Variants in SPDL1 observed in about 807,000 individuals in gnomAD.
SPDL1 encodes the protein spindle apparatus coiled-coil protein 1, also known as protein Spindly.
SPDL1 carries 85 observed loss-of-function variants against 79.5 expected under a neutral mutation model. The ratio of observed to expected loss-of-function variants is 1.07; its 90% CI spans 0.90 to 1.28. The LOEUF (loss-of-function observed/expected upper bound fraction) is 1.28. SPDL1 is among the 50% of genes most tolerant of loss of function. The probability of loss-of-function intolerance (pLI) is 0.00; values close to 1 mark genes in which losing one functional copy is unlikely to be tolerated. For missense variants in SPDL1, 703 were observed against 697.8 expected, an observed-to-expected ratio of 1.01 and a Z score of -0.08; for synonymous variants, 269 against 240.3, an observed-to-expected ratio of 1.12 and a Z score of -1.10.
In SPDL1 at chr5:169,591,227, T is replaced by A; in HGVS notation, c.336+3T>A. 6.2e-7 allele frequency: 1 copy of A among 1,611,444 alleles called. No individual in the cohort carries two copies. Among genetic ancestry groups the A allele is most frequent in the Non-Finnish European group, 8.5e-7 (1 of 1,178,798 alleles). On this transcript the variant is annotated splice_donor_region_variant and intron_variant, in intron 3 of 11. Transcript: ENST00000265295. ...AAGTGAATGAACTAAAAACTAAGGT[T>A]GGGATATCTGCGTATTTCAGCACAA...
At position 169,604,584 on chromosome 5, in the gene SPDL1, T is replaced by C. The variant is rs1756093587; in HGVS notation, c.*377T>C. On this transcript the variant is annotated 3_prime_UTR_variant, in exon 12 of 12. Coordinates refer to ENST00000265295, the MANE Select transcript of SPDL1 (RefSeq NM_017785.5). ...TATGTACTTTTTTTTATAAACTTAG[T>C]TTTAGACTATGTTGTAAAAATGGGA... 1 of 153,084 alleles carries C rather than the reference T, an allele frequency of 6.5e-6. No homozygotes were observed. Among genetic ancestry groups the C allele is most frequent in the African/African-American group, 2.4e-5 (1 of 41,484 alleles). The allele number at this position is 153,084 out of a possible 1,614,324, so 9.5% of individuals were successfully genotyped here.
chr5:169,588,317 A>G (rs1755084070), intron 1 of SPDL1, 77 bp from the exon 2 acceptor site: 3 of 985,172 alleles, frequency 3.0e-6, no homozygotes, highest in Non-Finnish European at 4.5e-6. Flanking sequence ...TTGAGTAGAT[A>G]TGTTTCTTCT....
rs1025504622 is a variant in SPDL1 at position 169,597,127 on chromosome 5, A to G, written c.1032+426A>G. Among the ~76,000 whole-genome samples the G allele has an allele frequency of 1.4e-3, 216 of 152,122 alleles. 2 individuals carry two copies. The highest frequency in any genetic ancestry group is 8.7e-4 in the Non-Finnish European group (59 of 67,976). ...TCTTACTTGAATATTTCCTTACTCTATGGCACAACAAGGGTTTCCTAGCTC... is the reference window on the plus strand; with the variant it reads ...TCTTACTTGAATATTTCCTTACTCTGTGGCACAACAAGGGTTTCCTAGCTC... On this transcript the variant is annotated intron_variant, in intron 8 of 11. Coordinates refer to ENST00000265295, the MANE Select transcript of SPDL1 (RefSeq NM_017785.5).
intron 1 of SPDL1, chr5:169,585,815 G>C (rs1013134852): frequency 1.3e-5 from 2 of 152,200 alleles, no homozygotes; most frequent in Non-Finnish European, 2.9e-5. Flanking sequence ...AATTGAAGCA[G>C]TTAAAAGGTT....
intron 1 of SPDL1, chr5:169,586,351 T>TA (rs1374808867): frequency 6.6e-6 from 1 of 152,406 alleles, no homozygotes; most frequent in African/African-American, 2.4e-5. Context: ...GGACAACACA[T>TA]ACTCCTGGTT....
chr5:169,588,792 ACT>A (rs905054533), intron 2 of SPDL1: 6 of 351,520 alleles, frequency 1.7e-5, no homozygotes, highest in African/African-American at 1.1e-4. Flanking sequence ...AGTTATCATT[ACT>A]CTCTTTGCCA....
At chr5:169,585,648 G>C (rs1246674585) in intron 1 of SPDL1, among the ~76,000 whole-genome samples, 1 of 152,212 alleles carries the variant, frequency 6.6e-6, no homozygotes, top group African/African-American at 2.4e-5. Flanking sequence ...TTAGTTGGCT[G>C]GCCGTATCAT....
At chr5:169,596,521 TCA>T in intron 7 of SPDL1, 38 bp from the exon 8 acceptor site, 1 of 1,552,032 alleles carries the variant, frequency 6.4e-7, no homozygotes, top group Admixed American at 1.8e-5. Flanking sequence ...AATCTTTCTC[TCA>T]CTTAATTTTA....
Position 169,604,753 on chromosome 5 carries a change from TAAAA to T in SPDL1, c.*547_*550del, listed in dbSNP as rs1345137257. The T allele has an allele frequency of 2.0e-5, 3 of 152,206 alleles. No individual in the cohort carries two copies. Among genetic ancestry groups the T allele is most frequent in the South Asian group, 4.1e-4 (2 of 4,838 alleles). 9.4% of individuals were successfully genotyped at this position (152,206 alleles called of 1,614,324 possible). Reference sequence around the variant, plus strand: ...TTTAAATTTTGTCTAAAATTTTAAATAAAACTGCAGTGATTTATCCTTAAATTTC... The same window carrying T: ...TTTAAATTTTGTCTAAAATTTTAAATCTGCAGTGATTTATCCTTAAATTTC... On this transcript the variant is annotated 3_prime_UTR_variant, in exon 12 of 12. Transcript: ENST00000265295.
intron 10 of SPDL1, among the ~76,000 whole-genome samples, chr5:169,599,920 G>T (rs569482185): frequency 1.3e-5 from 2 of 152,078 alleles, no homozygotes. Context: ...CCACCAAAAT[G>T]GGGGGGAAAG....
chr5:169,592,348 G>C lies in SPDL1; in HGVS notation c.337-1006G>C, dbSNP rs145504870. ...TTCTCCTGCCTCAGGCTCCTAAGTGGCTGGGATTACAGGTGTGCGCCACCA... is the reference window on the plus strand; with the variant it reads ...TTCTCCTGCCTCAGGCTCCTAAGTGCCTGGGATTACAGGTGTGCGCCACCA... On this transcript the variant is annotated intron_variant, in intron 3 of 11. Transcript: ENST00000265295. Among the ~76,000 whole-genome samples the C allele has an allele frequency of 4.9e-3, 734 of 151,126 alleles. 12 individuals are homozygous for C. Among genetic ancestry groups the C allele is most frequent in the African/African-American group, 0.017 (707 of 41,120 alleles).
intron 1 of SPDL1, chr5:169,586,271 T>C (rs1184500946): frequency 6.6e-6 from 1 of 152,298 alleles, no homozygotes; most frequent in Non-Finnish European, 1.5e-5. Flanking sequence ...CTCACCTTAA[T>C]TGCCTTAGCA....
At chr5:169,596,402 G>A (rs1018660419) in intron 7 of SPDL1, among the ~76,000 whole-genome samples, 159 bp from the exon 8 acceptor site, 4 of 152,080 alleles carry the variant, frequency 2.6e-5, no homozygotes, top group Non-Finnish European at 4.4e-5. Context: ...CAAATGTTAT[G>A]TCTACAAAAA....
At position 169,591,078 on chromosome 5, in the gene SPDL1, A is replaced by G. The variant is rs1478531789; in HGVS notation, c.190A>G (p.Arg64Gly). 1 of 1,613,670 alleles carries G rather than the reference A, an allele frequency of 6.2e-7. No homozygotes were observed. The highest frequency in any genetic ancestry group is 8.5e-7 in the Non-Finnish European group (1 of 1,179,898). ...SYEQEKYTLQREVELKSRMLE... is the reference protein window; with the variant it reads ...SYEQEKYTLQGEVELKSRMLE... ...TGAACAAGAAAAATATACCCTTCAA[A>G]GAGAAGTTGAACTCAAGAGTCGAAT... The change falls in exon 3 of 12, where the codon AGA becomes GGA. Residue 64 changes from arginine (R) to glycine (G), a missense_variant. Physicochemically the swap from Arg to Gly is moderately radical, Grantham distance 125. Coordinates refer to ENST00000265295, the MANE Select transcript of SPDL1 (RefSeq NM_017785.5).
chr5:169,586,807 C>T (rs1755004406), intron 1 of SPDL1, among the ~76,000 whole-genome samples: 1 of 152,206 alleles, frequency 6.6e-6, no homozygotes, highest in African/African-American at 2.4e-5. Flanking sequence ...GTCTCTGCTT[C>T]CAGCCTTGTT....
rs955350226 is a variant in SPDL1 at position 169,601,265 on chromosome 5, C to T, written c.1325-15C>T. The T allele has an allele frequency of 5.1e-6, 8 of 1,574,166 alleles. No individual in the cohort carries two copies. The highest frequency in any genetic ancestry group is 1.4e-5 in the African/African-American group (1 of 72,518). ...TCTTAGATTTTTTCTTTTCCCCACT[C>T]GTTTTTATTCTCAGAGACAGTTGAA... On this transcript the variant is annotated splice_polypyrimidine_tract_variant and intron_variant, in intron 10 of 11. Coordinates refer to ENST00000265295, the MANE Select transcript of SPDL1 (RefSeq NM_017785.5).
chr5:169,593,563 A>C lies in SPDL1; in HGVS notation c.531+15A>C. 6.5e-7 allele frequency: 1 copy of C among 1,546,230 alleles called. No homozygotes were observed. Among genetic ancestry groups the C allele is most frequent in the Non-Finnish European group, 8.7e-7 (1 of 1,148,138 alleles). On this transcript the variant is annotated intron_variant, in intron 4 of 11. Transcript: ENST00000265295. ...AGAGTATGAAGGTAATTTTTATGGC[A>C]TGTGTTTCTCAGGGTTTTCTCTTTT...
At position 169,591,068 on chromosome 5, in the gene SPDL1, T is replaced by G; in HGVS notation, c.180T>G (p.Tyr60Ter). The change falls in exon 3 of 12, where the codon TAT (tyrosine) becomes TAG (stop). Residue 60 changes from tyrosine (Y) to a stop codon, truncating the protein, a stop_gained. Transcript: ENST00000265295. LOFTEE classifies it high-confidence loss of function. ...TTCAGAGTTATGAACAAGAAAAATA[T>G]ACCCTTCAAAGAGAAGTTGAACTCA... ...TMTESYEQEK[Y>*]TLQREVELKS... The G allele has an allele frequency of 1.2e-6, 2 of 1,613,324 alleles. No homozygotes were observed. The highest frequency in any genetic ancestry group is 2.2e-5 in the South Asian group (2 of 90,938).
Position 169,590,943 on chromosome 5 carries a change from C to T in SPDL1, c.160-105C>T, listed in dbSNP as rs990513334. 3.1e-5 allele frequency: 31 copies of T among 1,001,258 alleles called. No homozygotes were observed. In the African/African-American group the frequency reaches 4.4e-4, roughly 14 times the overall value. 62.0% of individuals were successfully genotyped at this position (1,001,258 alleles called of 1,614,324 possible). ...CATGTCTTCGTTATTTGGAAAGCAG[C>T]AAATGCTTGAAATAAGAATGAAACA... On this transcript the variant is annotated intron_variant, in intron 2 of 11. Transcript: ENST00000265295.
Sources: gnomAD v4.1 joint callset for allele counts (sites outside exome capture counted in the v4.1 genomes callset) on GRCh38, gnomAD v4.1.1 for gene constraint, MANE v1.5 for transcripts, NCBI Gene and HGNC (gene_info 2026-07-23, HGNC 2026-07-21) for gene names.